RDH13: variants seen among roughly 807,000 people sequenced by gnomAD.
RDH13 encodes retinol dehydrogenase 13 (all-trans and 9-cis).
Under a neutral mutation model 28.3 loss-of-function variants are expected in RDH13, and 35 were observed. That is an observed-to-expected ratio of 1.24 (90% confidence interval 0.95 to 1.64). The LOEUF is 1.64. RDH13 is among the 40% of genes most tolerant of loss of function. The pLI, the probability that RDH13 is intolerant of heterozygous loss-of-function variation, is 0.00. For synonymous variants in RDH13, 229 were observed against 198.5 expected, an observed-to-expected ratio of 1.15 and a Z score of -1.29; for missense variants, 514 against 446.3, an observed-to-expected ratio of 1.15 and a Z score of -1.37.
At chr19:55,049,918 C>T (rs993833105) in intron 3 of RDH13, among the ~76,000 whole-genome samples, 1 of 150,712 alleles carries the variant, frequency 6.6e-6, no homozygotes, top group Non-Finnish European at 1.5e-5. Context: ...CACAGGTGAC[C>T]ATCTCCTCTC....
intron 1 of RDH13, among the ~76,000 whole-genome samples, chr19:55,060,453 C>T (rs1361195540): frequency 6.6e-6 from 1 of 152,146 alleles, no homozygotes; most frequent in East Asian, 1.9e-4. Context: ...TTTTGCTGAC[C>T]TCATTATCAC....
At chr19:55,058,266 T>C (rs1373212973) in intron 2 of RDH13, among the ~76,000 whole-genome samples, 2 of 151,714 alleles carry the variant, frequency 1.3e-5, no homozygotes, top group Non-Finnish European at 2.9e-5. Context: ...TGCATGCCTG[T>C]AATCCCAGCT....
intron 5 of RDH13, chr19:55,047,933 C>G (rs1259564355): frequency 4.2e-6 from 3 of 706,898 alleles, no homozygotes; most frequent in South Asian, 1.9e-5. Flanking sequence ...TTGAGAGCAT[C>G]TGGGCCTTTA....
At chr19:55,052,063 C>CTTTTTTTTTTTTTTT (rs111427426) in intron 3 of RDH13, among the ~76,000 whole-genome samples, 3 of 120,734 alleles carry the variant, frequency 2.5e-5, no homozygotes, top group African/African-American at 1.0e-4. Flanking sequence ...ACTGCCTCAA[C>CTTTTTTTTTTTTTTT]TTTTTTTTTT....
At chr19:55,051,869 C>A (rs2147023228) in intron 3 of RDH13, among the ~76,000 whole-genome samples, 1 of 152,004 alleles carries the variant, frequency 6.6e-6, no homozygotes, top group Non-Finnish European at 1.5e-5. Flanking sequence ...CATAGCTGAA[C>A]CACAGGCGCC....
At chr19:55,047,225 T>C in intron 6 of RDH13, 162 bp downstream of exon 6, 1 of 1,413,164 alleles carries the variant, frequency 7.1e-7, no homozygotes, top group African/African-American at 1.4e-5. Context: ...GCAGGCCAGG[T>C]CAACGGAGGA....
intron 3 of RDH13, among the ~76,000 whole-genome samples, chr19:55,056,415 G>A (rs951267188): frequency 1.5e-4 from 23 of 152,078 alleles, no homozygotes; most frequent in East Asian, 5.8e-4. Flanking sequence ...CCGAGATCGC[G>A]CCATTGCACT....
rs144935515 is a variant in RDH13, at chr19:55,048,393, G to T, written c.594C>A (p.Ala198=). The part of the protein sequence containing the change: ...NWQTRKYNTK[A]AYCQSKLAIV... ...TGGCGAGCTTGCTCTGGCAGTAGGC[G>T]GCTTTGGTGTTATACTTCCTCGTCT... The change falls in exon 5 of 7, where the codon GCC becomes GCA. Residue 198 remains alanine, a synonymous_variant. Transcript: ENST00000415061. 1 of 1,614,176 alleles carries T rather than the reference G, an allele frequency of 6.2e-7. No homozygotes were observed. Among genetic ancestry groups the T allele is most frequent in the African/African-American group, 1.3e-5 (1 of 75,056 alleles).
chr19:55,046,443 AG>A (rs2075235246), intron 6 of RDH13: 2 of 150,546 alleles, frequency 1.3e-5, no homozygotes, highest in South Asian at 2.2e-4. Context: ...TTGTATTTTT[AG>A]TAGAGACGGG....
At chr19:55,049,892 GTCTC>G (rs1007431889) in intron 3 of RDH13, among the ~76,000 whole-genome samples, 1 of 151,436 alleles carries the variant, frequency 6.6e-6, no homozygotes, top group African/African-American at 2.4e-5. Context: ...ATCCGCTCTG[GTCTC>G]TCTCCTTGGC....
chr19:55,056,529 G>A, intron 3 of RDH13, 124 bp downstream of exon 3: 3 of 1,203,352 alleles, frequency 2.5e-6, no homozygotes, highest in Non-Finnish European at 3.4e-6. Flanking sequence ...AACTGGACTT[G>A]GCCCCTAACT....
upstream of RDH13, chr19:55,064,094 A>G (rs1422876085): frequency 6.6e-6 from 1 of 152,168 alleles, no homozygotes; most frequent in Non-Finnish European, 1.5e-5. Context: ...CCCTGCCATA[A>G]TGGAGATTAT....
upstream of RDH13, among the ~76,000 whole-genome samples, chr19:55,066,264 T>G (rs954088636): frequency 1.2e-4 from 18 of 152,290 alleles, no homozygotes; most frequent in African/African-American, 3.6e-4. Flanking sequence ...ATGTTCCTGA[T>G]CAGCACTGGG....
intron 3 of RDH13, among the ~76,000 whole-genome samples, chr19:55,054,455 A>G (rs1260168712): frequency 2.0e-5 from 3 of 152,106 alleles, no homozygotes; most frequent in Admixed American, 6.6e-5. Flanking sequence ...TTAGCCGGGC[A>G]TGGTGGCACC....
chr19:55,054,841 G>A (rs542336711), intron 3 of RDH13, among the ~76,000 whole-genome samples: 4 of 151,808 alleles, frequency 2.6e-5, no homozygotes, highest in African/African-American at 9.7e-5. Flanking sequence ...GATTTTAAAT[G>A]TGGTCACCAC....
At position 55,061,699 on chromosome 19, in the gene RDH13, G is replaced by T. The variant is rs375153757; in HGVS notation, c.65+1269C>A. Among the ~76,000 whole-genome samples, 67 of 152,088 alleles carry T rather than the reference G, an allele frequency of 4.4e-4. 1 individual carries two copies. Among genetic ancestry groups the T allele is most frequent in the African/African-American group, 1.5e-3 (61 of 41,500 alleles). ...GTCAGCTACTCGGGAGGCTGAAGTG[G>T]GAGGACCACCTGAGCCCAGGGAGGG... On this transcript the variant is annotated intron_variant, in intron 1 of 6. Coordinates refer to ENST00000415061, the MANE Select transcript of RDH13 (RefSeq NM_001145971.2).
Position 55,044,388 on chromosome 19 carries a change from T to C in RDH13, c.*686A>G, listed in dbSNP as rs1412140311. On this transcript the variant is annotated 3_prime_UTR_variant, in exon 7 of 7. Transcript: ENST00000415061. ...CTGCAGTTTGGACTACCATGAGAAT[T>C]GATAGGAAGGTGGGAGTCCCAGGCA... 1 of 152,064 alleles carries C rather than the reference T, an allele frequency of 6.6e-6. No individual in the cohort carries two copies. Among genetic ancestry groups the C allele is most frequent in the Non-Finnish European group, 1.5e-5 (1 of 68,026 alleles). 9.4% of individuals were successfully genotyped at this position (152,064 alleles called of 1,614,324 possible). A position where few individuals can be genotyped will look rare whatever the true frequency, so the allele number is the denominator to read the frequency against.
At chr19:55,059,680 T>C (rs1336578780) in intron 1 of RDH13, among the ~76,000 whole-genome samples, 1 of 152,038 alleles carries the variant, frequency 6.6e-6, no homozygotes, top group Non-Finnish European at 1.5e-5. Flanking sequence ...ATACAAAAAT[T>C]AGCCAGATGT....
At chr19:55,051,951 C>T (rs942666351) in intron 3 of RDH13, among the ~76,000 whole-genome samples, 2 of 151,764 alleles carry the variant, frequency 1.3e-5, no homozygotes, top group African/African-American at 2.4e-5. Context: ...AGGCTGGTCT[C>T]GAATTTCTGA....
Sources: allele counts gnomAD v4.1 joint callset (sites outside exome capture counted in the v4.1 genomes callset), GRCh38; gene constraint gnomAD v4.1.1; transcripts MANE v1.5; gene names NCBI Gene and HGNC (gene_info 2026-07-23, HGNC 2026-07-21).